Variants in PARD3B observed in about 807,000 individuals in gnomAD.
PARD3B encodes the protein partitioning defective 3 homolog B.
In PARD3B, 103 loss-of-function variants were observed where a neutral mutation model predicts 130.2. The ratio of observed to expected loss-of-function variants is 0.79; its 90% CI spans 0.67 to 0.93. The LOEUF (loss-of-function observed/expected upper bound fraction) is 0.93, where lower values mean the gene tolerates loss of function less well. Ranked by LOEUF, PARD3B falls within the 40% of genes least tolerant of loss-of-function variation. The pLI is 0.00. For missense variants in PARD3B, 1,609 were observed against 1,499.2 expected, an observed-to-expected ratio of 1.07 and a Z score of -1.21; for synonymous variants, 583 against 553.2, an observed-to-expected ratio of 1.05 and a Z score of -0.76.
rs569958109 is a variant in PARD3B at position 205,617,739 on chromosome 2, G to A, written c.*1926G>A. ...TGAGGTGGAGTGCAGGGGAGCTACC[G>A]GTTTCCCTGCTGACCTGCTGAATGC... On this transcript the variant is annotated 3_prime_UTR_variant, in exon 23 of 23. Transcript: ENST00000406610. 15 of 152,250 alleles carry A rather than the reference G, an allele frequency of 9.9e-5. No homozygotes were observed. The highest frequency in any genetic ancestry group is 3.9e-4 in the Admixed American group (6 of 15,298). 9.4% of individuals were successfully genotyped at this position (152,250 alleles called of 1,614,324 possible).
intron 22 of PARD3B, among the ~76,000 whole-genome samples, chr2:205,581,031 G>A (rs2053944289): frequency 6.6e-6 from 1 of 152,010 alleles, no homozygotes; most frequent in Non-Finnish European, 1.5e-5. Flanking sequence ...CACATTTCAA[G>A]TATTTGAATA....
At chr2:204,786,180 TCA>T (rs1269801565) in intron 2 of PARD3B, among the ~76,000 whole-genome samples, 2 of 151,342 alleles carry the variant, frequency 1.3e-5, no homozygotes, top group South Asian at 2.1e-4. Flanking sequence ...ATTTTGGGCA[TCA>T]CATAAATCAT....
At chr2:205,257,975 G>T (rs1242166756) in intron 16 of PARD3B, among the ~76,000 whole-genome samples, 1 of 152,014 alleles carries the variant, frequency 6.6e-6, no homozygotes, top group Admixed American at 6.5e-5. Flanking sequence ...TTGAACACTG[G>T]CTTCTTCAGT....
At chr2:205,255,853 A>G (rs1477145629) in intron 16 of PARD3B, among the ~76,000 whole-genome samples, 1 of 152,098 alleles carries the variant, frequency 6.6e-6, no homozygotes. Context: ...CTCTTGGGCT[A>G]TTATGGAGGC....
intron 16 of PARD3B, among the ~76,000 whole-genome samples, chr2:205,260,494 T>G (rs1334358630): frequency 6.6e-6 from 1 of 152,132 alleles, no homozygotes; most frequent in Non-Finnish European, 1.5e-5. Context: ...TTTGGTAATT[T>G]CCATTTGGGA....
intron 2 of PARD3B, among the ~76,000 whole-genome samples, chr2:204,848,427 A>C (rs1046533534): frequency 2.0e-5 from 3 of 152,164 alleles, no homozygotes; most frequent in Non-Finnish European, 4.4e-5. Flanking sequence ...TGCTGTCAGA[A>C]TATCAGCTGT....
chr2:205,205,524 A>G (rs2037240391), intron 15 of PARD3B, among the ~76,000 whole-genome samples: 1 of 152,150 alleles, frequency 6.6e-6, no homozygotes, highest in Non-Finnish European at 1.5e-5. Flanking sequence ...GTCTTGTGCC[A>G]GTTTTCAAAG....
At chr2:205,610,232 A>T (rs146963737) in intron 22 of PARD3B, among the ~76,000 whole-genome samples, 1,873 of 152,300 alleles carry the variant, frequency 0.012, 11 homozygotes, top group South Asian at 0.019. Context: ...CAGAGGGAAC[A>T]GGACACCACC....
At chr2:204,788,546 AAC>A (rs751656906) in intron 2 of PARD3B, among the ~76,000 whole-genome samples, 3 of 152,194 alleles carry the variant, frequency 2.0e-5, no homozygotes, top group Non-Finnish European at 4.4e-5. Context: ...AAATAACTTT[AAC>A]AGTCTTTGGA....
intron 2 of PARD3B, among the ~76,000 whole-genome samples, chr2:204,933,853 G>A (rs554883817): frequency 6.6e-6 from 1 of 152,258 alleles, no homozygotes; most frequent in Admixed American, 6.5e-5. Flanking sequence ...GTAATTTGCA[G>A]TATTACCTTT....
At chr2:205,048,053 A>G (rs1237412435) in intron 4 of PARD3B, 1 of 164,462 alleles carries the variant, frequency 6.1e-6, no homozygotes, top group African/African-American at 2.4e-5. Context: ...TGGCAAAGCA[A>G]GGAATTTCAC....
intron 4 of PARD3B, among the ~76,000 whole-genome samples, chr2:205,097,349 A>ATCCTAGATTCTGGCTT (rs1336656794): frequency 1.3e-5 from 2 of 152,186 alleles, no homozygotes; most frequent in African/African-American, 4.8e-5. Flanking sequence ...AGTATCAAGA[A>ATCCTAGATTCTGGCTT]TCCTAGATTC....
At chr2:205,437,652 A>T (rs552084847) in intron 19 of PARD3B, among the ~76,000 whole-genome samples, 24 of 152,220 alleles carry the variant, frequency 1.6e-4, no homozygotes, top group Admixed American at 8.5e-4. Flanking sequence ...GATCTGGGCA[A>T]CATAAAAGTC....
chr2:204,671,554 A>G (rs536681595), intron 1 of PARD3B, among the ~76,000 whole-genome samples: 1 of 152,080 alleles, frequency 6.6e-6, no homozygotes, highest in Non-Finnish European at 1.5e-5. Flanking sequence ...CCCTCTGAGA[A>G]GTCATTACTT....
At chr2:205,332,070 A>G (rs543025267) in intron 18 of PARD3B, among the ~76,000 whole-genome samples, 55 of 152,128 alleles carry the variant, frequency 3.6e-4, no homozygotes, top group African/African-American at 1.0e-3. Flanking sequence ...GTGCCATTGT[A>G]CTCTAGCCAG....
At chr2:204,961,785 C>T (rs2125847322) in intron 2 of PARD3B, among the ~76,000 whole-genome samples, 1 of 152,236 alleles carries the variant, frequency 6.6e-6, no homozygotes, top group South Asian at 2.1e-4. Context: ...AGGCAGTAAT[C>T]ACCTGTGTCC....
intron 22 of PARD3B, among the ~76,000 whole-genome samples, chr2:205,611,606 T>C (rs1371779017): frequency 6.6e-6 from 1 of 152,224 alleles, no homozygotes; most frequent in Non-Finnish European, 1.5e-5. Context: ...AGATAGTTCC[T>C]ATCAGTTTTC....
At position 205,142,266 on chromosome 2, in the gene PARD3B, A is replaced by G. The variant is rs1394675975; in HGVS notation, c.1435-16456A>G. ...TTTTAGGTGGAGAGAATCCCATTTAAATAGTTAAAGAAGGTATATGTAACA... is the reference window on the plus strand; with the variant it reads ...TTTTAGGTGGAGAGAATCCCATTTAGATAGTTAAAGAAGGTATATGTAACA... On this transcript the variant is annotated intron_variant, in intron 10 of 22. Coordinates refer to ENST00000406610, the MANE Select transcript of PARD3B (RefSeq NM_001302769.2). The surrounding 1 kb of genome is among the most constrained non-coding windows in gnomAD (Gnocchi z 4.3). 2.0e-5 allele frequency among the ~76,000 whole-genome samples: 3 copies of G among 152,204 alleles called. No homozygotes were observed. Among genetic ancestry groups the G allele is most frequent in the East Asian group, 1.9e-4 (1 of 5,196 alleles).
chr2:205,083,222 A>G (rs1004682498), intron 4 of PARD3B, among the ~76,000 whole-genome samples: 1 of 152,080 alleles, frequency 6.6e-6, no homozygotes, highest in Non-Finnish European at 1.5e-5. Flanking sequence ...CCCAGCCAAA[A>G]TACATCAATT....
Sources: allele counts gnomAD v4.1 joint callset (sites outside exome capture counted in the v4.1 genomes callset), GRCh38; gene constraint gnomAD v4.1.1; non-coding constraint Gnocchi (gnomAD v3.1); transcripts MANE v1.5; gene names NCBI Gene and HGNC (gene_info 2026-07-23, HGNC 2026-07-21).